ERICH6: variants seen among roughly 807,000 people sequenced by gnomAD.
The protein encoded by ERICH6 is glutamate rich 6.
Under a neutral mutation model 71.0 loss-of-function variants are expected in ERICH6, and 71 were observed. The observed-to-expected ratio is 1.00, with a 90% CI of 0.83 to 1.22. ERICH6 has a LOEUF of 1.22. Ranked by LOEUF, ERICH6 falls within the 50% of genes most tolerant of loss-of-function variation. ERICH6 has a pLI of 0.00. For synonymous variants in ERICH6, 262 were observed against 278.4 expected, an observed-to-expected ratio of 0.94 and a Z score of 0.59; for missense variants, 808 against 797.2, an observed-to-expected ratio of 1.01 and a Z score of -0.16.
At chr3:150,665,840 A>C (rs1378090637) in intron 13 of ERICH6, among the ~76,000 whole-genome samples, 2 of 151,992 alleles carry the variant, frequency 1.3e-5, no homozygotes, top group African/African-American at 4.8e-5. Flanking sequence ...AAAAAAAAAA[A>C]AAAAAAAATC....
At chr3:150,686,460 T>C (rs1022961045) in intron 3 of ERICH6, 106 bp from the exon 4 acceptor site, 5 of 901,584 alleles carry the variant, frequency 5.5e-6, no homozygotes, top group Middle Eastern at 4.9e-4. Flanking sequence ...ACTATGTTTC[T>C]TTTATCTTTT....
Position 150,680,695 on chromosome 3 carries a change from A to G in ERICH6, c.1040+78T>C, listed in dbSNP as rs897573599. ...ACATCTTCAAAGTTATATATCTTGAAAAAATGAGGTTCATTTACAAAACGA... is the reference window on the plus strand; with the variant it reads ...ACATCTTCAAAGTTATATATCTTGAGAAAATGAGGTTCATTTACAAAACGA... On this transcript the variant is annotated intron_variant, in intron 8 of 13. Coordinates refer to ENST00000295910, the MANE Select transcript of ERICH6 (RefSeq NM_152394.5). The G allele has an allele frequency of 7.1e-6, 11 of 1,555,946 alleles. No individual in the cohort carries two copies. The African/African-American group carries it at 1.4e-4, about 19-fold the overall frequency.
At chr3:150,692,286 T>C (rs1712473862) in intron 3 of ERICH6, among the ~76,000 whole-genome samples, 1 of 152,172 alleles carries the variant, frequency 6.6e-6, no homozygotes, top group Non-Finnish European at 1.5e-5. Context: ...TTTGGGAAAT[T>C]AAGTCTCCTC....
chr3:150,694,470 A>C (rs900136933), intron 3 of ERICH6, among the ~76,000 whole-genome samples: 2 of 152,102 alleles, frequency 1.3e-5, no homozygotes, highest in Admixed American at 1.3e-4. Flanking sequence ...ATGGGTAGGT[A>C]CTCTATGTTC....
intron 3 of ERICH6, among the ~76,000 whole-genome samples, chr3:150,693,391 G>A (rs1315565570): frequency 1.3e-5 from 2 of 152,166 alleles, no homozygotes; most frequent in Non-Finnish European, 2.9e-5. Flanking sequence ...TGTCCATACA[G>A]TCCCTGTACA....
rs1713058510 is a variant in ERICH6 at position 150,703,788 on chromosome 3, C to CTCCTCCTCCACCTCT, written c.96_110dup (p.Val34_Glu38dup). 6.2e-7 allele frequency: 1 copy of CTCCTCCTCCACCTCT among 1,607,322 alleles called. No homozygotes were observed. Among genetic ancestry groups the CTCCTCCTCCACCTCT allele is most frequent in the South Asian group, 1.1e-5 (1 of 89,826 alleles). The stretch of plus-strand genomic sequence containing the variant: ...CCTCCTCCTCCTCCACCTCTTCCTC[C>CTCCTCCTCCACCTCT]TCCTCCTCCACCTCTTCCTCCTCCT... On this transcript the variant is annotated inframe_insertion, in exon 1 of 14. Transcript: ENST00000295910.
At position 150,683,709 on chromosome 3, in the gene ERICH6, A is replaced by G. The variant is rs527980535; in HGVS notation, c.784-1393T>C. Reference sequence around the variant, plus strand: ...GCAGAGGTTGCAGTGAGCTAAGATCATGCCACTGCACTCCAGCACTCCAGC... The same window carrying G: ...GCAGAGGTTGCAGTGAGCTAAGATCGTGCCACTGCACTCCAGCACTCCAGC... On this transcript the variant is annotated intron_variant, in intron 6 of 13. Coordinates refer to ENST00000295910, the MANE Select transcript of ERICH6 (RefSeq NM_152394.5). Among the ~76,000 whole-genome samples the G allele has an allele frequency of 7.2e-5, 11 of 152,238 alleles. No homozygotes were observed. In the South Asian group the frequency reaches 2.3e-3, roughly 32 times the overall value.
intron 3 of ERICH6, among the ~76,000 whole-genome samples, chr3:150,695,728 C>G (rs1448649765): frequency 6.6e-6 from 1 of 151,126 alleles, no homozygotes; most frequent in African/African-American, 2.4e-5. Context: ...TATAAAACAC[C>G]TAGCATAGAC....
intron 11 of ERICH6, 90 bp from the exon 12 acceptor site, chr3:150,669,541 ATAAAGCAT>A: frequency 7.1e-7 from 1 of 1,405,652 alleles, no homozygotes; most frequent in South Asian, 1.3e-5. Flanking sequence ...CTCTGAAATC[ATAAAGCAT>A]TCTGAAAATG....
At chr3:150,668,123 T>C (rs1480900299) in intron 12 of ERICH6, among the ~76,000 whole-genome samples, 3 of 152,202 alleles carry the variant, frequency 2.0e-5, no homozygotes, top group African/African-American at 7.2e-5. Flanking sequence ...AAGATTTAGT[T>C]TTATCTTGAA....
At chr3:150,702,983 G>A (rs1712969484) in intron 1 of ERICH6, among the ~76,000 whole-genome samples, 1 of 85,332 alleles carries the variant, frequency 1.2e-5, no homozygotes, top group Non-Finnish European at 2.4e-5. Context: ...GAAGAGGGAG[G>A]GGAGGGGGAA....
At chr3:150,679,074 G>C (rs886280516) in intron 9 of ERICH6, among the ~76,000 whole-genome samples, 1 of 146,812 alleles carries the variant, frequency 6.8e-6, no homozygotes, top group Non-Finnish European at 1.5e-5. Flanking sequence ...TTTTCATTAA[G>C]TGAAACTTTC....
chr3:150,683,294 G>A (rs1712044188), intron 6 of ERICH6, among the ~76,000 whole-genome samples: 1 of 152,210 alleles, frequency 6.6e-6, no homozygotes. Flanking sequence ...TCGCACTAGA[G>A]AGATGATGGA....
At position 150,703,565 on chromosome 3, in the gene ERICH6, G is replaced by A; in HGVS notation, c.334C>T (p.Pro112Ser). The A allele has an allele frequency of 6.2e-7, 1 of 1,613,478 alleles. No individual in the cohort carries two copies. The highest frequency in any genetic ancestry group is 8.5e-7 in the Non-Finnish European group (1 of 1,179,824). Reference protein sequence around the residue: ...VSPSLTSTFVPSQSATSTETP... With the variant: ...VSPSLTSTFVSSQSATSTETP... The stretch of plus-strand genomic sequence containing the variant: ...TCAGTGCTGGTCGCGCTCTGGCTGG[G>A]CACGAACGTAGAGGTCAGGCTAGGG... The change falls in exon 1 of 14, where the codon CCC becomes TCC. Residue 112 changes from proline to serine, a missense_variant. Around this residue, in one of 3 missense-constraint regions of ERICH6, gnomAD observed 736 missense variants for 712.2 expected, o/e 1.03. Transcript: ENST00000295910.
chr3:150,663,573 C>T (rs577736354), intron 13 of ERICH6, among the ~76,000 whole-genome samples: 3 of 152,146 alleles, frequency 2.0e-5, no homozygotes, highest in African/African-American at 7.2e-5. Flanking sequence ...ATGGTGGGCT[C>T]AAGTTATCCT....
At chr3:150,667,470 G>T (rs139892761) in intron 12 of ERICH6, among the ~76,000 whole-genome samples, 1 of 152,290 alleles carries the variant, frequency 6.6e-6, no homozygotes, top group African/African-American at 2.4e-5. Flanking sequence ...CCAACTAGGA[G>T]CTAGGAGTCC....
chr3:150,676,309 T>C (rs577052040), intron 10 of ERICH6, among the ~76,000 whole-genome samples: 107 of 152,288 alleles, frequency 7.0e-4, no homozygotes, highest in Admixed American at 1.2e-3. Context: ...AGTTCATTTT[T>C]TTCCATTTCA....
chr3:150,670,087 A>G (rs1711497769), intron 11 of ERICH6, among the ~76,000 whole-genome samples: 1 of 152,168 alleles, frequency 6.6e-6, no homozygotes, highest in East Asian at 1.9e-4. Flanking sequence ...AAAACCCACA[A>G]TTAAAACTAT....
At chr3:150,679,934 A>G (rs1711832088) in intron 9 of ERICH6, among the ~76,000 whole-genome samples, 1 of 152,266 alleles carries the variant, frequency 6.6e-6, no homozygotes, top group Admixed American at 6.5e-5. Context: ...CTGGGATCAC[A>G]GGCGTGAGCC....
Sources: allele counts gnomAD v4.1 joint callset (sites outside exome capture counted in the v4.1 genomes callset), GRCh38; gene constraint gnomAD v4.1.1; regional missense constraint gnomAD v4.1.1; transcripts MANE v1.5; gene names NCBI Gene and HGNC (gene_info 2026-07-23, HGNC 2026-07-21).